Variants in CES4A observed in about 807,000 individuals in gnomAD.
CES4A encodes the protein carboxylesterase 6.
In CES4A, 48 loss-of-function variants were observed where a neutral mutation model predicts 65.4. The ratio of observed to expected loss-of-function variants is 0.73; its 90% CI spans 0.58 to 0.93. The LOEUF (loss-of-function observed/expected upper bound fraction) is 0.93, where lower values mean the gene tolerates loss of function less well. CES4A is among the 40% of genes least tolerant of loss of function. The pLI, the probability that CES4A is intolerant of heterozygous loss-of-function variation, is 0.00. For synonymous variants in CES4A, 247 were observed against 281.8 expected (o/e 0.88, Z 1.24); for missense variants, 685 against 728.5 (o/e 0.94, Z 0.69).
At chr16:66,995,140 C>T (rs888872856) in intron 1 of CES4A, among the ~76,000 whole-genome samples, 30 of 151,732 alleles carry the variant, frequency 2.0e-4, no homozygotes, top group South Asian at 1.9e-3. Context: ...TGAAACACCG[C>T]CTCTACTAAA....
chr16:66,998,944 A>T (rs942429428), intron 2 of CES4A, among the ~76,000 whole-genome samples: 5 of 152,130 alleles, frequency 3.3e-5, no homozygotes, highest in African/African-American at 1.2e-4. Flanking sequence ...GGCAAGTAAG[A>T]TAATGACAGA....
chr16:66,993,900 G>C (rs1417947261), intron 1 of CES4A, among the ~76,000 whole-genome samples: 1 of 151,770 alleles, frequency 6.6e-6, no homozygotes, highest in Non-Finnish European at 1.5e-5. Flanking sequence ...AGGAGATCAA[G>C]ACCATTCTGG....
chr16:67,002,018 T>G (rs918983673), intron 5 of CES4A, among the ~76,000 whole-genome samples: 1 of 152,254 alleles, frequency 6.6e-6, no homozygotes, highest in Admixed American at 6.5e-5. Context: ...TGCCAGGCAT[T>G]CTTCTAAGCA....
chr16:66,993,710 C>T (rs994771492), intron 1 of CES4A, among the ~76,000 whole-genome samples: 8 of 152,198 alleles, frequency 5.3e-5, no homozygotes, highest in Admixed American at 2.6e-4. Context: ...TTAGCATGTA[C>T]ATGTGAGTAT....
At position 66,999,673 on chromosome 16, in the gene CES4A, G is replaced by A. The variant is rs374526468; in HGVS notation, c.261-965G>A. Among the ~76,000 whole-genome samples the A allele has an allele frequency of 4.6e-5, 7 of 152,322 alleles. No individual in the cohort carries two copies. The East Asian group carries it at 5.8e-4, about 13-fold the overall frequency. On this transcript the variant is annotated intron_variant, in intron 2 of 13. Transcript: ENST00000648724. Reference sequence around the variant, plus strand: ...AAAAATTAGCTGGGTGTGATGGCGCGTGCCTGTAGTCCCAGCTACTTGCAA... The same window carrying A: ...AAAAATTAGCTGGGTGTGATGGCGCATGCCTGTAGTCCCAGCTACTTGCAA...
chr16:67,004,224 T>C (rs1318341916), exon 9 of CES4A: 7 of 1,614,138 alleles, frequency 4.3e-6, no homozygotes, highest in Non-Finnish European at 5.9e-6. Flanking sequence ...TCTTGCCTTA[T>C]GTAAGTGAGT....
In CES4A at chr16:67,003,023, G is replaced by A. The variant is rs767388696; in HGVS notation, c.691-47G>A. ...GACAGATGCCCAGAACAGCCCAGGT[G>A]TCTCTACTTGGGCATCTCACGGGTG... is the stretch of plus-strand genomic sequence containing the variant. On this transcript the variant is annotated intron_variant, in intron 5 of 13. Coordinates refer to ENST00000648724, the Ensembl canonical transcript of CES4A. The surrounding 1 kb of genome is among the most constrained non-coding windows in gnomAD (Gnocchi z 4.2). 9.3e-6 allele frequency: 14 copies of A among 1,504,240 alleles called. 1 individual carries two copies. The Middle Eastern group carries it at 6.8e-4, about 74-fold the overall frequency. The allele number at this position is 1,504,240 out of a possible 1,614,324, so 93.2% of individuals were successfully genotyped here. A position where few individuals can be genotyped will look rare whatever the true frequency, so the allele number is the denominator to read the frequency against.
At position 67,004,917 on chromosome 16, in the gene CES4A, G is replaced by A. The variant is rs552166692; in HGVS notation, c.1161+44G>A. ...AGGGGTGCTCAGTTCGGACAGGGTTGACCCCCCTGTTTTTTTTAACCTAGT... is the reference window on the plus strand; with the variant it reads ...AGGGGTGCTCAGTTCGGACAGGGTTAACCCCCCTGTTTTTTTTAACCTAGT... On this transcript the variant is annotated intron_variant, in intron 10 of 13. Coordinates refer to ENST00000648724, the Ensembl canonical transcript of CES4A. The A allele has an allele frequency of 8.2e-6, 12 of 1,457,858 alleles. No homozygotes were observed. In the East Asian group the frequency reaches 2.5e-4, roughly 30 times the overall value. The allele number at this position is 1,457,858 out of a possible 1,614,324, so 90.3% of individuals were successfully genotyped here.
chr16:66,998,157 A>G (rs138922954), intron 2 of CES4A, among the ~76,000 whole-genome samples: 8 of 150,588 alleles, frequency 5.3e-5, no homozygotes, highest in Admixed American at 1.3e-4. Flanking sequence ...GGATGGTCAG[A>G]AAAAAAAACA....
chr16:66,994,854 A>G lies in CES4A; in HGVS notation c.59-774A>G, dbSNP rs1454780675. ...AACTCCATCTCAAAAAAAAAAAAAA[A>G]TTAGCCAGGCGCGGTGCTGTGTGTC... is the stretch of plus-strand genomic sequence containing the variant. On this transcript the variant is annotated intron_variant, in intron 1 of 13. Coordinates refer to ENST00000648724, the Ensembl canonical transcript of CES4A. Among the ~76,000 whole-genome samples the G allele has an allele frequency of 3.3e-5, 5 of 151,134 alleles. No homozygotes were observed. In the East Asian group the frequency reaches 7.9e-4, roughly 24 times the overall value.
At chr16:67,005,021 G>A in intron 10 of CES4A, 148 bp downstream of exon 10, 2 of 759,054 alleles carry the variant, frequency 2.6e-6, no homozygotes, top group Non-Finnish European at 4.3e-6. Flanking sequence ...GGGATCAGAT[G>A]ACTGCTTACA....
Position 67,000,609 on chromosome 16 carries a change from C to T in CES4A, c.261-29C>T, listed in dbSNP as rs1214310449. 2 of 1,530,250 alleles carry T rather than the reference C, an allele frequency of 1.3e-6. No homozygotes were observed. The highest frequency in any genetic ancestry group is 1.4e-5 in the African/African-American group (1 of 72,476). The allele number at this position is 1,530,250 out of a possible 1,614,324, so 94.8% of individuals were successfully genotyped here. On this transcript the variant is annotated intron_variant, in intron 2 of 13. Coordinates refer to ENST00000648724, the Ensembl canonical transcript of CES4A. This position sits in a 1 kb window ranked among gnomAD's most constrained non-coding sequence, Gnocchi z 4.2. ...ACCCTGGATTGAAACGATCTCCCCG[C>T]GGCCGCCGCCGCTACCTGGTGCCCG... is the stretch of plus-strand genomic sequence containing the variant.
chr16:67,005,458 A>C, intron 11 of CES4A, 65 bp downstream of exon 11: 1 of 1,517,904 alleles, frequency 6.6e-7, no homozygotes, highest in East Asian at 2.3e-5. Flanking sequence ...CTGTTTACCA[A>C]CTGGGCTTAT....
At chr16:67,008,134 T>A (rs1021215181) in intron 13 of CES4A, 1 of 152,202 alleles carries the variant, frequency 6.6e-6, no homozygotes, top group African/African-American at 2.4e-5. Context: ...TTGCCCAGAC[T>A]GGTCTCCAAC....
intron 11 of CES4A, 94 bp downstream of exon 11, chr16:67,005,487 C>T: frequency 8.5e-7 from 1 of 1,182,842 alleles, no homozygotes; most frequent in Non-Finnish European, 1.2e-6. Context: ...CCCCTACCCT[C>T]TCTGTACTTC....
rs183588260 is a variant in CES4A, at chr16:66,995,039, T to C, written c.59-589T>C. Among the ~76,000 whole-genome samples the C allele has an allele frequency of 8.3e-3, 1,194 of 143,106 alleles. 5 individuals are homozygous for C. Among genetic ancestry groups the C allele is most frequent in the Non-Finnish European group, 0.013 (853 of 65,824 alleles). 93.9% of individuals were successfully genotyped at this position (143,106 alleles called of 152,430 possible). A position where few individuals can be genotyped will look rare whatever the true frequency, so the allele number is the denominator to read the frequency against. On this transcript the variant is annotated intron_variant, in intron 1 of 13. Transcript: ENST00000648724. Reference sequence around the variant, plus strand: ...TAAATAAATAAATGAGGGCCGGGCGTGGTGGCTCACACCTGTAATCCCAGC... The same window carrying C: ...TAAATAAATAAATGAGGGCCGGGCGCGGTGGCTCACACCTGTAATCCCAGC...
chr16:67,005,462 GGCTTATCGACT>G, intron 11 of CES4A, 69 bp downstream of exon 11: 2 of 1,500,424 alleles, frequency 1.3e-6, no homozygotes, highest in African/African-American at 1.4e-5. Flanking sequence ...TTACCAACTG[GGCTTATCGACT>G]GCTCCCCTAC....
Position 67,000,785 on chromosome 16 carries a change from T to C in CES4A, c.402+6T>C, listed in dbSNP as rs1312731754. 1.3e-6 allele frequency: 2 copies of C among 1,549,570 alleles called. No homozygotes were observed. The highest frequency in any genetic ancestry group is 8.7e-7 in the Non-Finnish European group (1 of 1,146,064). On this transcript the variant is annotated splice_donor_region_variant and intron_variant, in intron 3 of 13. Coordinates refer to ENST00000648724, the Ensembl canonical transcript of CES4A. This position sits in a 1 kb window ranked among gnomAD's most constrained non-coding sequence, Gnocchi z 4.2. Reference sequence around the variant, plus strand: ...CCGGGGATCCCCAGCTGCCAGTGAGTGCCAGGTCTCCCGCGCCCGCGGTCC... The same window carrying C: ...CCGGGGATCCCCAGCTGCCAGTGAGCGCCAGGTCTCCCGCGCCCGCGGTCC...
chr16:66,990,777 C>CTT (rs776481944), intron 1 of CES4A, among the ~76,000 whole-genome samples: 1 of 144,718 alleles, frequency 6.9e-6, no homozygotes, highest in African/African-American at 2.5e-5. Context: ...TGGGGTTTTT[C>CTT]TTTTTTTTTT....
Sources: allele counts gnomAD v4.1 joint callset (sites outside exome capture counted in the v4.1 genomes callset), GRCh38; gene constraint gnomAD v4.1.1; non-coding constraint Gnocchi (gnomAD v3.1); transcripts MANE v1.5; gene names NCBI Gene and HGNC (gene_info 2026-07-23, HGNC 2026-07-21).